The following ZNF385B variants were observed in gnomAD, a reference collection of about 807,000 sequenced individuals.
The protein encoded by ZNF385B is zinc finger protein 533.
Under a neutral mutation model 39.2 loss-of-function variants are expected in ZNF385B, and 23 were observed. That is an observed-to-expected ratio of 0.59 (90% CI 0.42 to 0.83). The LOEUF (loss-of-function observed/expected upper bound fraction) is 0.83, where lower values mean the gene tolerates loss of function less well. ZNF385B is among the 40% of genes least tolerant of loss of function. The pLI is 0.00. For synonymous variants in ZNF385B, 205 were observed against 222.6 expected (o/e 0.92, Z 0.70); for missense variants, 552 against 598.9 (o/e 0.92, Z 0.82).
chr2:179,783,116 A>C (rs536916062), intron 1 of ZNF385B, among the ~76,000 whole-genome samples: 10 of 152,268 alleles, frequency 6.6e-5, no homozygotes, highest in African/African-American at 2.2e-4. Context: ...ATAGCATAGG[A>C]CTGGTACAAA....
intron 3 of ZNF385B, among the ~76,000 whole-genome samples, chr2:179,724,581 T>A (rs1700888828): frequency 6.6e-6 from 1 of 152,238 alleles, no homozygotes; most frequent in African/African-American, 2.4e-5. Flanking sequence ...GTTTATCTAA[T>A]GGAAAGCCAT....
At chr2:179,651,546 G>T (rs2106247883) in intron 3 of ZNF385B, among the ~76,000 whole-genome samples, 1 of 152,204 alleles carries the variant, frequency 6.6e-6, no homozygotes, top group South Asian at 2.1e-4. Context: ...ATAAAAATAA[G>T]TTTACACTGT....
chr2:179,608,842 C>CTGTG (rs60633100), intron 3 of ZNF385B, among the ~76,000 whole-genome samples: 90 of 134,694 alleles, frequency 6.7e-4, no homozygotes, highest in African/African-American at 1.4e-3. Context: ...AGGGCCAAGA[C>CTGTG]TGTGTGTGTG....
In ZNF385B at chr2:179,677,111, G is replaced by C. The variant is rs114982719; in HGVS notation, c.298+92392C>G. On this transcript the variant is annotated intron_variant, in intron 3 of 9. Coordinates refer to ENST00000410066, the MANE Select transcript of ZNF385B (RefSeq NM_152520.6). ...ATAAAAATGCTTAGAAGGGCTGGGA[G>C]CTTCAAACTGCATTCCCAGCTTGAC... is the stretch of plus-strand genomic sequence containing the variant. Among the ~76,000 whole-genome samples the C allele has an allele frequency of 8.1e-3, 1,240 of 152,304 alleles. 15 individuals carry two copies. Among genetic ancestry groups the C allele is most frequent in the African/African-American group, 0.027 (1,143 of 41,568 alleles).
chr2:179,674,633 C>T (rs924881255), intron 3 of ZNF385B, among the ~76,000 whole-genome samples: 1 of 152,180 alleles, frequency 6.6e-6, no homozygotes, highest in Non-Finnish European at 1.5e-5. Flanking sequence ...TATCTGCTTA[C>T]AAACTATGAA....
intron 3 of ZNF385B, among the ~76,000 whole-genome samples, chr2:179,675,780 T>C (rs973113565): frequency 2.4e-5 from 3 of 124,006 alleles, no homozygotes; most frequent in African/African-American, 9.1e-5. Context: ...CATTGAAAAA[T>C]ACTGACAGTA....
chr2:179,461,253 G>C (rs1163578270), intron 6 of ZNF385B, among the ~76,000 whole-genome samples: 2 of 152,052 alleles, frequency 1.3e-5, no homozygotes, highest in African/African-American at 4.8e-5. Flanking sequence ...GAGATGATCT[G>C]ATTCCTGTCT....
At chr2:179,847,907 A>T (rs1409023975) in intron 1 of ZNF385B, among the ~76,000 whole-genome samples, 1 of 151,998 alleles carries the variant, frequency 6.6e-6, no homozygotes, top group Non-Finnish European at 1.5e-5. Flanking sequence ...TTAAGAGTCT[A>T]CTTCAACAAA....
chr2:179,458,456 A>T (rs2050946292), intron 6 of ZNF385B, among the ~76,000 whole-genome samples: 1 of 152,190 alleles, frequency 6.6e-6, no homozygotes, highest in African/African-American at 2.4e-5. Context: ...CAGCAGCATG[A>T]AAATGGACTA....
At chr2:179,722,421 G>T (rs1333680618) in intron 3 of ZNF385B, among the ~76,000 whole-genome samples, 1 of 152,104 alleles carries the variant, frequency 6.6e-6, no homozygotes, top group Non-Finnish European at 1.5e-5. Context: ...ATGGAATAGA[G>T]TATAAAAAGA....
chr2:179,828,875 G>A (rs909774861), intron 1 of ZNF385B, among the ~76,000 whole-genome samples: 5 of 151,946 alleles, frequency 3.3e-5, no homozygotes, highest in African/African-American at 7.3e-5. Context: ...GATCAACAAT[G>A]TCAGCAGATG....
chr2:179,773,416 T>C (rs1040864210), intron 1 of ZNF385B, among the ~76,000 whole-genome samples: 2 of 152,194 alleles, frequency 1.3e-5, no homozygotes, highest in African/African-American at 2.4e-5. Flanking sequence ...TGCTTGTCTT[T>C]GCAAAGTCAC....
At chr2:179,831,481 C>G (rs1351243329) in intron 1 of ZNF385B, among the ~76,000 whole-genome samples, 1 of 146,178 alleles carries the variant, frequency 6.8e-6, no homozygotes, top group Non-Finnish European at 1.5e-5. Context: ...CTTACAGGAT[C>G]AAGTTGCTTT....
At chr2:179,630,097 C>G (rs1691056086) in intron 3 of ZNF385B, among the ~76,000 whole-genome samples, 1 of 152,254 alleles carries the variant, frequency 6.6e-6, no homozygotes, top group Non-Finnish European at 1.5e-5. Flanking sequence ...CATGGCTGAA[C>G]AAAAGGCAGC....
chr2:179,746,078 A>G lies in ZNF385B; in HGVS notation c.298+23425T>C. ...AAGTCTGAGGTGGATTTATGCTGAG[A>G]AACAGGCAACCTAAGCCTTCATTAT... On this transcript the variant is annotated intron_variant, in intron 3 of 9. Coordinates refer to ENST00000410066, the MANE Select transcript of ZNF385B (RefSeq NM_152520.6). The G allele has an allele frequency of 3.9e-6, 4 of 1,025,484 alleles. No homozygotes were observed. In the South Asian group the frequency reaches 1.9e-4, roughly 48 times the overall value. The allele number at this position is 1,025,484 out of a possible 1,614,324, so 63.5% of individuals were successfully genotyped here.
chr2:179,466,608 T>C (rs2052048478), intron 6 of ZNF385B, among the ~76,000 whole-genome samples: 1 of 152,098 alleles, frequency 6.6e-6, no homozygotes, highest in African/African-American at 2.4e-5. Flanking sequence ...ATGGTTGATA[T>C]ACTTGTGTAA....
chr2:179,516,293 TG>T (rs1335469500), intron 5 of ZNF385B, among the ~76,000 whole-genome samples: 2 of 152,170 alleles, frequency 1.3e-5, no homozygotes, highest in Non-Finnish European at 2.9e-5. Context: ...TACTTAGAAG[TG>T]GGACTGCTGG....
intron 1 of ZNF385B, among the ~76,000 whole-genome samples, chr2:179,828,086 A>G (rs187255354): frequency 1.5e-3 from 234 of 152,306 alleles, no homozygotes; most frequent in African/African-American, 4.4e-3. Context: ...TTATAAATAT[A>G]TCATTTATTT....
intron 3 of ZNF385B, among the ~76,000 whole-genome samples, chr2:179,755,378 C>T (rs1379695954): frequency 4.0e-5 from 6 of 151,444 alleles, no homozygotes; most frequent in African/African-American, 7.3e-5. Flanking sequence ...GGAATAAGTG[C>T]AATGTGGTGC....
Sources: gnomAD v4.1 joint callset for allele counts (sites outside exome capture counted in the v4.1 genomes callset) on GRCh38, gnomAD v4.1.1 for gene constraint, MANE v1.5 for transcripts, NCBI Gene and HGNC (gene_info 2026-07-23, HGNC 2026-07-21) for gene names.